KCNIP4: variants seen among roughly 807,000 people sequenced by gnomAD.
KCNIP4 encodes Kv channel-interacting protein 4.
In KCNIP4, 12 loss-of-function variants were observed where a neutral mutation model predicts 34.0. The ratio of observed to expected loss-of-function variants is 0.35; its 90% confidence interval spans 0.23 to 0.57. KCNIP4 has a LOEUF of 0.57. Ranked by LOEUF, KCNIP4 falls within the 20% of genes least tolerant of loss-of-function variation. KCNIP4 has a pLI of 0.83. For missense variants in KCNIP4, 238 were observed against 311.7 expected, an observed-to-expected ratio of 0.76 and a Z score of 1.78; for synonymous variants, 124 against 102.2, an observed-to-expected ratio of 1.21 and a Z score of -1.29.
chr4:21,091,686 G>T (rs1322867847), intron 1 of KCNIP4, among the ~76,000 whole-genome samples: 1 of 152,128 alleles, frequency 6.6e-6, no homozygotes, highest in Non-Finnish European at 1.5e-5. Flanking sequence ...TGCCAGCATG[G>T]TCAGGTTCCA....
chr4:21,483,789 C>CAAAAAT lies in KCNIP4; in HGVS notation c.61+464776_61+464781dup, dbSNP rs60570638. 1.7e-3 allele frequency among the ~76,000 whole-genome samples: 251 copies of CAAAAAT among 145,852 alleles called. 1 individual carries two copies. Among genetic ancestry groups the CAAAAAT allele is most frequent in the Middle Eastern group, 6.9e-3 (2 of 288 alleles). On this transcript the variant is annotated intron_variant, in intron 1 of 8. Coordinates refer to ENST00000382152, the MANE Select transcript of KCNIP4 (RefSeq NM_025221.6). ...TGGGCGAAAGAGACAGACTCCATCTCAAAAATAAAAATAAAAATAAAAATA... is the reference window on the plus strand; with the variant it reads ...TGGGCGAAAGAGACAGACTCCATCTCAAAAATAAAAATAAAAATAAAAATAAAAATA...
At chr4:21,384,943 T>C (rs1288182321) in intron 1 of KCNIP4, among the ~76,000 whole-genome samples, 1 of 152,178 alleles carries the variant, frequency 6.6e-6, no homozygotes, top group African/African-American at 2.4e-5. Flanking sequence ...TAAGCTATCG[T>C]GTCATTAAGA....
intron 1 of KCNIP4, among the ~76,000 whole-genome samples, chr4:21,433,447 C>T (rs1726674506): frequency 6.6e-6 from 1 of 152,094 alleles, no homozygotes; most frequent in African/African-American, 2.4e-5. Flanking sequence ...TATTAAAAAA[C>T]AAACAAAGAA....
At chr4:21,540,231 G>A (rs1024238240) in intron 1 of KCNIP4, among the ~76,000 whole-genome samples, 3 of 152,098 alleles carry the variant, frequency 2.0e-5, no homozygotes, top group Admixed American at 1.3e-4. Context: ...TATCTTGGGA[G>A]GAGTCTGTTT....
intron 1 of KCNIP4, among the ~76,000 whole-genome samples, chr4:21,107,734 G>A (rs181721452): frequency 6.6e-6 from 1 of 151,542 alleles, no homozygotes; most frequent in African/African-American, 2.4e-5. Flanking sequence ...GCAGTGGCTG[G>A]TACCAGTTGA....
rs5856652 is a variant in KCNIP4, at chr4:21,629,849, C to CTTTTTTTT, written c.61+318714_61+318721dup. On this transcript the variant is annotated intron_variant, in intron 1 of 8. Coordinates refer to ENST00000382152, the MANE Select transcript of KCNIP4 (RefSeq NM_025221.6). Reference sequence around the variant, plus strand: ...ACCATATTTCCTTTTCTTTTTCTTTCTTTTTTTTTTTTTTTTTTTGAGACA... The same window carrying CTTTTTTTT: ...ACCATATTTCCTTTTCTTTTTCTTTCTTTTTTTTTTTTTTTTTTTTTTTTTTTGAGACA... Among the ~76,000 whole-genome samples the CTTTTTTTT allele has an allele frequency of 9.4e-3, 827 of 87,736 alleles. 47 individuals carry two copies. Among genetic ancestry groups the CTTTTTTTT allele is most frequent in the East Asian group, 0.017 (42 of 2,434 alleles). The allele number at this position is 87,736 out of a possible 152,430, so 57.6% of individuals were successfully genotyped here. A position where few individuals can be genotyped will look rare whatever the true frequency, so the allele number is the denominator to read the frequency against.
At chr4:20,895,815 T>C (rs77184924) in intron 1 of KCNIP4, among the ~76,000 whole-genome samples, 1,685 of 152,300 alleles carry the variant, frequency 0.011, 35 homozygotes, top group African/African-American at 0.038. Context: ...AAATTAGCCA[T>C]GCCTGATCAT....
chr4:21,672,442 C>T (rs1749578181), intron 1 of KCNIP4, among the ~76,000 whole-genome samples: 1 of 152,174 alleles, frequency 6.6e-6, no homozygotes, highest in Admixed American at 6.5e-5. Context: ...ATGGGATAAA[C>T]ACACCTATTC....
At chr4:21,223,980 T>C (rs964411026) in intron 1 of KCNIP4, among the ~76,000 whole-genome samples, 18 of 152,192 alleles carry the variant, frequency 1.2e-4, no homozygotes, top group African/African-American at 4.1e-4. Flanking sequence ...AGCCGAGGAA[T>C]CTTCTCTAGT....
rs557580495 is a variant in KCNIP4, at chr4:21,321,970, G to A, written c.62-439261C>T. ...AGGGAGAGAGAAAAGGAGGGAAAGA[G>A]AAATGGTGGAAGGGAAGGAAGAGAA... On this transcript the variant is annotated intron_variant, in intron 1 of 8. Coordinates refer to ENST00000382152, the MANE Select transcript of KCNIP4 (RefSeq NM_025221.6). Among the ~76,000 whole-genome samples the A allele has an allele frequency of 3.0e-5, 4 of 134,948 alleles. No individual in the cohort carries two copies. The East Asian group carries it at 9.9e-4, about 33-fold the overall frequency. The allele number at this position is 134,948 out of a possible 152,430, so 88.5% of individuals were successfully genotyped here.
At chr4:21,351,936 T>C (rs1354166715) in intron 1 of KCNIP4, among the ~76,000 whole-genome samples, 1 of 152,166 alleles carries the variant, frequency 6.6e-6, no homozygotes, top group African/African-American at 2.4e-5. Context: ...ATACTAATGA[T>C]AGTGATTTTC....
chr4:20,871,742 A>G (rs141569286), intron 2 of KCNIP4, among the ~76,000 whole-genome samples: 262 of 152,270 alleles, frequency 1.7e-3, no homozygotes, highest in African/African-American at 6.0e-3. Context: ...AGGGATAAAC[A>G]GTGTCTCTCT....
chr4:21,606,605 T>G lies in KCNIP4; in HGVS notation c.61+341966A>C, dbSNP rs532345326. ...GTTTGTTTGTTTGTTGTTTGTTGTT[T>G]GTTTTTGAGACAGAGTCTTGCTCTG... On this transcript the variant is annotated intron_variant, in intron 1 of 8. Transcript: ENST00000382152. Among the ~76,000 whole-genome samples the G allele has an allele frequency of 2.0e-5, 3 of 152,240 alleles. No homozygotes were observed. The South Asian group carries it at 6.2e-4, about 32-fold the overall frequency.
At chr4:21,027,621 C>A (rs1740667379) in intron 1 of KCNIP4, among the ~76,000 whole-genome samples, 1 of 150,070 alleles carries the variant, frequency 6.7e-6, no homozygotes, top group Non-Finnish European at 1.5e-5. Context: ...GATATGTAAT[C>A]TTCTTGTCTT....
At chr4:21,017,296 G>A (rs902082972) in intron 1 of KCNIP4, among the ~76,000 whole-genome samples, 1 of 152,136 alleles carries the variant, frequency 6.6e-6, no homozygotes, top group Admixed American at 6.6e-5. Flanking sequence ...CATCACCTGG[G>A]TATTAAGTCC....
chr4:21,730,675 C>T (rs756267063), intron 1 of KCNIP4, among the ~76,000 whole-genome samples: 1 of 152,090 alleles, frequency 6.6e-6, no homozygotes, highest in Non-Finnish European at 1.5e-5. Context: ...ATGTGCCAGC[C>T]AACTTTATTT....
In KCNIP4 at chr4:21,642,497, G is replaced by T. The variant is rs529973615; in HGVS notation, c.61+306074C>A. On this transcript the variant is annotated intron_variant, in intron 1 of 8. Coordinates refer to ENST00000382152, the MANE Select transcript of KCNIP4 (RefSeq NM_025221.6). ...TACTTTGAATCGATATCCAAAATAT[G>T]GTACTATTTCTTCCATAGCTAGAAT... 7.2e-5 allele frequency among the ~76,000 whole-genome samples: 11 copies of T among 152,212 alleles called. No individual in the cohort carries two copies. The South Asian group carries it at 1.7e-3, about 23-fold the overall frequency.
chr4:20,927,523 G>T (rs989295555), intron 1 of KCNIP4, among the ~76,000 whole-genome samples: 1 of 152,044 alleles, frequency 6.6e-6, no homozygotes, highest in Non-Finnish European at 1.5e-5. Flanking sequence ...GACTATACTC[G>T]CTTACATTTG....
intron 1 of KCNIP4, among the ~76,000 whole-genome samples, chr4:21,540,777 G>T (rs1737613072): frequency 6.6e-6 from 1 of 152,134 alleles, no homozygotes; most frequent in Non-Finnish European, 1.5e-5. Flanking sequence ...TGCATTGTTT[G>T]GAGGCCCTGC....
Sources: gnomAD v4.1 joint callset for allele counts (sites outside exome capture counted in the v4.1 genomes callset) on GRCh38, gnomAD v4.1.1 for gene constraint, MANE v1.5 for transcripts, NCBI Gene and HGNC (gene_info 2026-07-23, HGNC 2026-07-21) for gene names.